Variants in RTL4 observed in about 807,000 individuals in gnomAD.
RTL4 encodes the protein retrotransposon Gag like 4.
Under a neutral mutation model 5.3 loss-of-function variants are expected in RTL4, and 4 were observed. The observed-to-expected ratio is 0.75, with a 90% CI of 0.37 to 1.72. RTL4 has a LOEUF of 1.72. RTL4 is among the 40% of genes most tolerant of loss of function. The pLI is 0.04. For synonymous variants in RTL4, 98 were observed against 87.3 expected (o/e 1.12, Z -0.68); for missense variants, 260 against 227.1 (o/e 1.14, Z -0.93).
At chrX:112,245,894 T>C in the RTL4 span, among the ~76,000 whole-genome samples, 5 of 112,537 alleles carry the variant, frequency 4.4e-5, no homozygotes, top group South Asian at 1.8e-3. Flanking sequence ...GTGGATGTTC[T>C]TTTTGTTGAT....
At chrX:112,391,801 C>G in the RTL4 span, among the ~76,000 whole-genome samples, 12,664 of 110,654 alleles carry the variant, frequency 0.11, 1,833 homozygotes, top group African/African-American at 0.4. Context: ...CACTGCAGCT[C>G]TAGGTGCAAT....
chrX:112,164,485 C>A, the RTL4 span, among the ~76,000 whole-genome samples: 2 of 111,954 alleles, frequency 1.8e-5, no homozygotes, highest in Non-Finnish European at 3.8e-5. Flanking sequence ...TAAGACCATG[C>A]GGAGATGGAA....
the RTL4 span, among the ~76,000 whole-genome samples, chrX:112,408,235 A>C: frequency 9.0e-6 from 1 of 111,390 alleles, no homozygotes; most frequent in Non-Finnish European, 1.9e-5. Context: ...GTGTTGAGGA[A>C]ACTCAAAGAA....
the RTL4 span, among the ~76,000 whole-genome samples, chrX:112,115,112 T>C: frequency 9.0e-6 from 1 of 111,004 alleles, no homozygotes; most frequent in South Asian, 3.9e-4. Flanking sequence ...CCTGCGGTTC[T>C]GATTTGTTTT....
chrX:112,214,932 G>A, the RTL4 span, among the ~76,000 whole-genome samples: 19 of 109,306 alleles, frequency 1.7e-4, no homozygotes, highest in Non-Finnish European at 1.5e-4. Context: ...GGGACTACAC[G>A]CACCCACCAC....
the RTL4 span, among the ~76,000 whole-genome samples, chrX:112,220,590 G>C: frequency 1.8e-5 from 2 of 112,770 alleles, no homozygotes; most frequent in African/African-American, 3.2e-5. Context: ...TCCAGAAAAT[G>C]GGTTGTTTTT....
the RTL4 span, among the ~76,000 whole-genome samples, chrX:112,150,101 C>A: frequency 1.8e-5 from 2 of 111,214 alleles, no homozygotes; most frequent in Non-Finnish European, 3.8e-5. Context: ...GTGGTGGGAG[C>A]AGCATGAGCC....
At chrX:112,212,294 G>A in the RTL4 span, among the ~76,000 whole-genome samples, 3 of 111,406 alleles carry the variant, frequency 2.7e-5, no homozygotes, top group Admixed American at 9.4e-5. Flanking sequence ...GGAGAATGGC[G>A]TGAACCCAGG....
chrX:112,109,834 G>A, the RTL4 span, among the ~76,000 whole-genome samples: 1,280 of 111,572 alleles, frequency 0.011, 28 homozygotes, highest in African/African-American at 0.039. Context: ...GGATAGGGGC[G>A]AAGAAGGGGC....
chrX:112,271,869 A>G, the RTL4 span, among the ~76,000 whole-genome samples: 1 of 111,941 alleles, frequency 8.9e-6, no homozygotes, highest in Non-Finnish European at 1.9e-5. Flanking sequence ...TCAAGCATTT[A>G]TCCTTTCTTT....
chrX:112,295,151 G>T, the RTL4 span, among the ~76,000 whole-genome samples: 5 of 112,053 alleles, frequency 4.5e-5, no homozygotes, highest in Non-Finnish European at 9.4e-5. Flanking sequence ...GTTCCTTGTG[G>T]ATAACTTTAT....
At chrX:112,120,222 C>T in the RTL4 span, among the ~76,000 whole-genome samples, 907 of 112,300 alleles carry the variant, frequency 8.1e-3, 3 homozygotes, top group African/African-American at 0.028. Flanking sequence ...GAAAAGCCTG[C>T]GTTACACAGA....
At chrX:112,181,655 C>A in the RTL4 span, among the ~76,000 whole-genome samples, 1 of 112,123 alleles carries the variant, frequency 8.9e-6, no homozygotes, top group East Asian at 2.8e-4. Flanking sequence ...GGCAGGGCAT[C>A]TCTGAAAGAA....
the RTL4 span, among the ~76,000 whole-genome samples, chrX:112,287,642 T>C: frequency 9.0e-6 from 1 of 111,594 alleles, no homozygotes; most frequent in Non-Finnish European, 1.9e-5. Context: ...ATGCATGGTA[T>C]AAGTGGACAT....
chrX:112,169,053 T>C, the RTL4 span, among the ~76,000 whole-genome samples: 219 of 37,208 alleles, frequency 5.9e-3, 2 homozygotes, highest in Admixed American at 0.024. Flanking sequence ...TCTTTCTTTC[T>C]TTCTTTCTTT....
the RTL4 span, among the ~76,000 whole-genome samples, chrX:112,336,008 A>C: frequency 1.8e-5 from 2 of 109,506 alleles, no homozygotes; most frequent in East Asian, 5.7e-4. Flanking sequence ...ACGCCTGGCT[A>C]ATTTTTTGTA....
At chrX:112,259,575 A>C in the RTL4 span, among the ~76,000 whole-genome samples, 1 of 110,211 alleles carries the variant, frequency 9.1e-6, no homozygotes, top group African/African-American at 3.3e-5. Flanking sequence ...TAATAAAAGC[A>C]CTTCACACAG....
chrX:112,138,642 A>G, the RTL4 span, among the ~76,000 whole-genome samples: 1 of 111,498 alleles, frequency 9.0e-6, no homozygotes, highest in African/African-American at 3.3e-5. Context: ...CTTATTATCC[A>G]AAGTTGTTTT....
chrX:112,220,290 G>T, the RTL4 span, among the ~76,000 whole-genome samples: 1 of 112,274 alleles, frequency 8.9e-6, no homozygotes, highest in Non-Finnish European at 1.9e-5. Flanking sequence ...TTTTAAAAAG[G>T]ACTACAGTAA....
Sources: gnomAD v4.1 joint callset for allele counts (sites outside exome capture counted in the v4.1 genomes callset) on GRCh38, gnomAD v4.1.1 for gene constraint, MANE v1.5 for transcripts, NCBI Gene and HGNC (gene_info 2026-07-23, HGNC 2026-07-21) for gene names.